Variants in CYFIP1 observed in about 807,000 individuals in gnomAD.
The protein encoded by CYFIP1 is cytoplasmic FMR1-interacting protein 1.
In CYFIP1, 58 loss-of-function variants were observed where a neutral mutation model predicts 163.5. The observed-to-expected ratio is 0.35, with a 90% CI of 0.29 to 0.44. CYFIP1 has a LOEUF of 0.44. CYFIP1 is among the 20% of genes least tolerant of loss of function. CYFIP1 has a pLI of 1.00. For missense variants in CYFIP1, 1,338 were observed against 1,653.8 expected (o/e 0.81, Z 3.31); for synonymous variants, 663 against 660.7 (o/e 1.00, Z -0.05).
chr15:22,956,289 C>T (rs1476681371), intron 1 of CYFIP1, among the ~76,000 whole-genome samples: 1 of 151,988 alleles, frequency 6.6e-6, no homozygotes, highest in East Asian at 1.9e-4. Flanking sequence ...AAAGAGATGT[C>T]TCTCGTGCTC....
At chr15:22,944,534 C>T (rs762821490) in intron 5 of CYFIP1, 24 bp downstream of exon 5, 179 of 1,534,402 alleles carry the variant, frequency 1.2e-4, no homozygotes, top group Non-Finnish European at 8.3e-5. Flanking sequence ...TGTTACACCC[C>T]CCCCAGATTA....
At chr15:22,888,245 A>G (rs959132403) in intron 23 of CYFIP1, among the ~76,000 whole-genome samples, 5 of 152,186 alleles carry the variant, frequency 3.3e-5, no homozygotes, top group Admixed American at 6.5e-5. Context: ...AATCACACAG[A>G]TATACACTGT....
chr15:22,937,743 C>T (rs975160190), intron 8 of CYFIP1, among the ~76,000 whole-genome samples: 2 of 151,858 alleles, frequency 1.3e-5, no homozygotes, highest in Admixed American at 6.6e-5. Context: ...GGATTACAGG[C>T]GCCCATGACC....
At chr15:22,971,956 A>AGCAATCTACAGATTCAAT (rs756809317) in intron 1 of CYFIP1, among the ~76,000 whole-genome samples, 1 of 141,842 alleles carries the variant, frequency 7.1e-6, no homozygotes, top group African/African-American at 2.5e-5. Flanking sequence ...ACAGATTCAA[A>AGCAATCTACAGATTCAAT]GCAATCTACA....
intron 22 of CYFIP1, among the ~76,000 whole-genome samples, chr15:22,894,278 C>CTTTTT (rs57603773): frequency 7.6e-5 from 5 of 65,456 alleles, no homozygotes; most frequent in Non-Finnish European, 1.1e-4. Flanking sequence ...GCAGACTTTT[C>CTTTTT]TTTTTTTTTT....
intron 22 of CYFIP1, among the ~76,000 whole-genome samples, chr15:22,903,026 T>C (rs973724973): frequency 6.6e-6 from 1 of 152,156 alleles, no homozygotes; most frequent in Non-Finnish European, 1.5e-5. Flanking sequence ...TTTGTAAAAG[T>C]GCTCCTAACA....
At chr15:22,972,798 G>A (rs2063144867) in intron 1 of CYFIP1, among the ~76,000 whole-genome samples, 1 of 152,090 alleles carries the variant, frequency 6.6e-6, no homozygotes, top group Non-Finnish European at 1.5e-5. Flanking sequence ...CTGAGCTCAG[G>A]AGTTTGAGAC....
At chr15:22,872,262 C>G (rs937319141) in intron 30 of CYFIP1, among the ~76,000 whole-genome samples, 1 of 149,266 alleles carries the variant, frequency 6.7e-6, no homozygotes, top group African/African-American at 2.5e-5. Context: ...GGCATTGCAC[C>G]CCAGCCTGAG....
rs780337945 is a variant in CYFIP1, at chr15:22,917,721, AC to A, written c.1674+66del. 2.0e-4 allele frequency: 308 copies of A among 1,503,556 alleles called. No individual in the cohort carries two copies. The highest frequency in any genetic ancestry group is 2.7e-4 in the Non-Finnish European group (303 of 1,127,422). 93.1% of individuals were successfully genotyped at this position (1,503,556 alleles called of 1,614,324 possible). On this transcript the variant is annotated intron_variant, in intron 15 of 30. Transcript: ENST00000617928. The surrounding 1 kb of genome is among the most constrained non-coding windows in gnomAD (Gnocchi z 4.2). ...ATTTAACCCGGGCCTCACCAGCCCC[AC>A]CCGCTCACAGCTCAGGGTGGGTCCC...
intron 23 of CYFIP1, among the ~76,000 whole-genome samples, chr15:22,885,367 C>T (rs2059901287): frequency 1.3e-5 from 2 of 152,162 alleles, no homozygotes; most frequent in African/African-American, 4.8e-5. Context: ...CAACAAGCTC[C>T]TCAATTCCAT....
rs74923717 is a variant in CYFIP1, at chr15:22,926,338, G to C, written c.1234-231C>G. Reference sequence around the variant, plus strand: ...CCCGGCAAAATGGCCTGGATAGTGAGTGCTGAGTATCTAAGACTCTGGCAT... The same window carrying C: ...CCCGGCAAAATGGCCTGGATAGTGACTGCTGAGTATCTAAGACTCTGGCAT... On this transcript the variant is annotated intron_variant, in intron 12 of 30. Transcript: ENST00000617928. 8.5e-3 allele frequency among the ~76,000 whole-genome samples: 1,293 copies of C among 152,276 alleles called. 23 individuals are homozygous for C. The highest frequency in any genetic ancestry group is 0.029 in the African/African-American group (1,217 of 41,540).
chr15:22,968,296 G>T (rs1435853005), intron 1 of CYFIP1, among the ~76,000 whole-genome samples: 1 of 152,132 alleles, frequency 6.6e-6, no homozygotes, highest in Non-Finnish European at 1.5e-5. Context: ...GTACTTTTTA[G>T]ATGAGATTAA....
chr15:22,870,467 C>T (rs186405352), intron 30 of CYFIP1, among the ~76,000 whole-genome samples: 9 of 152,062 alleles, frequency 5.9e-5, no homozygotes, highest in Non-Finnish European at 7.4e-5. Flanking sequence ...TACCACCACA[C>T]GCAGCTAATT....
At chr15:22,934,559 G>A (rs1396611620) in intron 9 of CYFIP1, among the ~76,000 whole-genome samples, 3 of 101,554 alleles carry the variant, frequency 3.0e-5, no homozygotes, top group Admixed American at 1.2e-4. Flanking sequence ...GTGCAGTGGC[G>A]TGATCTTGGG....
In CYFIP1 at chr15:22,925,969, C is replaced by A; in HGVS notation, c.1359+13G>T. 1 of 1,611,726 alleles carries A rather than the reference C, an allele frequency of 6.2e-7. No homozygotes were observed. Among genetic ancestry groups the A allele is most frequent in the Admixed American group, 1.7e-5 (1 of 59,916 alleles). On this transcript the variant is annotated intron_variant, in intron 13 of 30. Coordinates refer to ENST00000617928, the MANE Select transcript of CYFIP1 (RefSeq NM_014608.6). ...AGCGACATGAGGAAGAGCGAGCGGC[C>A]GAGCATCCTCACCTCCACTAGGGCA... is the stretch of plus-strand genomic sequence containing the variant.
intron 26 of CYFIP1, among the ~76,000 whole-genome samples, chr15:22,876,820 A>C (rs572589355): frequency 8.1e-6 from 1 of 123,260 alleles, no homozygotes; most frequent in Non-Finnish European, 1.8e-5. Context: ...AACAAGCGTG[A>C]AACTCCAGTC....
intron 9 of CYFIP1, 149 bp from the exon 10 acceptor site, chr15:22,934,042 C>T: frequency 1.8e-6 from 1 of 567,284 alleles, no homozygotes; most frequent in East Asian, 2.7e-5. Context: ...CTATAAGTAA[C>T]TTCTACATTC....
chr15:22,926,896 T>C (rs1033012044), intron 12 of CYFIP1, among the ~76,000 whole-genome samples: 2 of 152,200 alleles, frequency 1.3e-5, no homozygotes, highest in Admixed American at 1.3e-4. Context: ...AGGACAAATA[T>C]TTATGGCGAT....
intron 11 of CYFIP1, among the ~76,000 whole-genome samples, chr15:22,930,400 A>AAC (rs1215325246): frequency 6.7e-6 from 1 of 149,774 alleles, no homozygotes; most frequent in East Asian, 1.9e-4. Flanking sequence ...AAAAAAAAAA[A>AAC]AAAAAAAAAA....
Sources: allele counts gnomAD v4.1 joint callset (sites outside exome capture counted in the v4.1 genomes callset), GRCh38; gene constraint gnomAD v4.1.1; non-coding constraint Gnocchi (gnomAD v3.1); transcripts MANE v1.5; gene names NCBI Gene and HGNC (gene_info 2026-07-23, HGNC 2026-07-21).